The following KCTD8 variants were observed in gnomAD, a reference collection of about 807,000 sequenced individuals.
KCTD8 encodes the protein BTB/POZ domain-containing protein KCTD8.
In KCTD8, 27 loss-of-function variants were observed where a neutral mutation model predicts 31.5. The ratio of observed to expected loss-of-function variants is 0.86; its 90% confidence interval spans 0.63 to 1.18. The LOEUF is 1.18. Ranked by LOEUF, KCTD8 falls within the 50% of genes most tolerant of loss-of-function variation. The pLI is 0.00. For synonymous variants in KCTD8, 290 were observed against 280.0 expected (o/e 1.04, Z -0.36); for missense variants, 658 against 647.7 (o/e 1.02, Z -0.17).
chr4:44,180,155 T>C (rs911361179), intron 1 of KCTD8, among the ~76,000 whole-genome samples: 1 of 152,096 alleles, frequency 6.6e-6, no homozygotes, highest in Non-Finnish European at 1.5e-5. Flanking sequence ...TGAAAGCACT[T>C]TGCCCTGTGA....
At position 44,405,175 on chromosome 4, in the gene KCTD8, T is replaced by TAA. The variant is rs34854499; in HGVS notation, c.961+42386_961+42387dup. ...CTTACGTGCTTACATGGTCTTAGGT[T>TAA]AAAAAAAAAAGGTCACTTGCAAAAT... On this transcript the variant is annotated intron_variant, in intron 1 of 1. Coordinates refer to ENST00000360029, the MANE Select transcript of KCTD8 (RefSeq NM_198353.3). 1.3e-4 allele frequency among the ~76,000 whole-genome samples: 20 copies of TAA among 149,104 alleles called. No individual in the cohort carries two copies. The South Asian group carries it at 2.7e-3, about 20-fold the overall frequency.
chr4:44,277,619 C>G (rs1716789314), intron 1 of KCTD8, among the ~76,000 whole-genome samples: 1 of 151,810 alleles, frequency 6.6e-6, no homozygotes, highest in African/African-American at 2.4e-5. Context: ...CATAGGGGAA[C>G]TAGACCCCTG....
chr4:44,300,580 G>T (rs866443912), intron 1 of KCTD8, among the ~76,000 whole-genome samples: 4 of 152,172 alleles, frequency 2.6e-5, no homozygotes, highest in Admixed American at 2.6e-4. Context: ...TTACAGAAAA[G>T]AATAATCAGC....
intron 1 of KCTD8, among the ~76,000 whole-genome samples, chr4:44,344,108 C>G (rs947820631): frequency 6.6e-6 from 1 of 152,068 alleles, no homozygotes; most frequent in Non-Finnish European, 1.5e-5. Flanking sequence ...CCACCCACCT[C>G]CGCCTCCCAA....
At chr4:44,408,944 G>A (rs2109462220) in intron 1 of KCTD8, among the ~76,000 whole-genome samples, 1 of 151,580 alleles carries the variant, frequency 6.6e-6, no homozygotes, top group East Asian at 2.0e-4. Flanking sequence ...TAAGTAATAT[G>A]ATTAATAAAA....
chr4:44,195,818 A>T (rs1713924404), intron 1 of KCTD8, among the ~76,000 whole-genome samples: 1 of 152,312 alleles, frequency 6.6e-6, no homozygotes, highest in African/African-American at 2.4e-5. Context: ...CATACTAAGG[A>T]TATTGTCTTG....
chr4:44,303,148 G>A (rs540599998), intron 1 of KCTD8, among the ~76,000 whole-genome samples: 16 of 152,032 alleles, frequency 1.1e-4, no homozygotes, highest in Admixed American at 2.6e-4. Flanking sequence ...TTTTTGCATC[G>A]ATGTTCATCA....
chr4:44,390,022 G>T (rs1159374806), intron 1 of KCTD8, among the ~76,000 whole-genome samples: 1 of 151,930 alleles, frequency 6.6e-6, no homozygotes, highest in Non-Finnish European at 1.5e-5. Context: ...GTTCCTTGTA[G>T]ATTCTGGATA....
At chr4:44,269,821 C>A (rs931795589) in intron 1 of KCTD8, among the ~76,000 whole-genome samples, 1 of 152,080 alleles carries the variant, frequency 6.6e-6, no homozygotes, top group Non-Finnish European at 1.5e-5. Context: ...CAGAGAAATG[C>A]AAATCAAAAC....
intron 1 of KCTD8, among the ~76,000 whole-genome samples, chr4:44,365,981 C>T (rs1719622241): frequency 6.6e-6 from 1 of 152,054 alleles, no homozygotes; most frequent in Non-Finnish European, 1.5e-5. Context: ...GAAAAAAAAC[C>T]TTGATTACAA....
At chr4:44,365,224 T>A (rs1719600484) in intron 1 of KCTD8, among the ~76,000 whole-genome samples, 2 of 152,062 alleles carry the variant, frequency 1.3e-5, no homozygotes, top group Admixed American at 1.3e-4. Context: ...TAAACCTATA[T>A]TTTTTCTAAA....
chr4:44,206,802 T>A (rs1314731866), intron 1 of KCTD8, among the ~76,000 whole-genome samples: 1 of 152,208 alleles, frequency 6.6e-6, no homozygotes, highest in Admixed American at 6.5e-5. Flanking sequence ...GGGAAGTTAT[T>A]TAAACATCTC....
intron 1 of KCTD8, among the ~76,000 whole-genome samples, chr4:44,235,247 C>T (rs1715242137): frequency 6.8e-6 from 1 of 146,838 alleles, no homozygotes; most frequent in Non-Finnish European, 1.5e-5. Flanking sequence ...ACTTTTTATA[C>T]ATGAGAAACT....
chr4:44,342,177 C>G (rs922360031), intron 1 of KCTD8, among the ~76,000 whole-genome samples: 2 of 152,042 alleles, frequency 1.3e-5, no homozygotes, highest in African/African-American at 4.8e-5. Context: ...CGAGACCATC[C>G]TGGCTAACAC....
chr4:44,443,474 A>G (rs1721862473), intron 1 of KCTD8, among the ~76,000 whole-genome samples: 1 of 152,256 alleles, frequency 6.6e-6, no homozygotes, highest in African/African-American at 2.4e-5. Flanking sequence ...AACTCAACAC[A>G]GTGAAATAAA....
intron 1 of KCTD8, among the ~76,000 whole-genome samples, chr4:44,400,221 G>A (rs1002322016): frequency 6.6e-6 from 1 of 152,114 alleles, no homozygotes; most frequent in Non-Finnish European, 1.5e-5. Context: ...ATAATGGCTT[G>A]TATTGCCTAC....
intron 1 of KCTD8, among the ~76,000 whole-genome samples, chr4:44,228,686 AC>A (rs1715034935): frequency 1.3e-5 from 2 of 151,550 alleles, no homozygotes; most frequent in African/African-American, 2.4e-5. Context: ...AAACACTATT[AC>A]CCCCCATTAT....
chr4:44,358,505 C>T (rs1037502567), intron 1 of KCTD8, among the ~76,000 whole-genome samples: 14 of 152,084 alleles, frequency 9.2e-5, no homozygotes, highest in Non-Finnish European at 1.9e-4. Context: ...ATTTACACTC[C>T]CACCAACAGT....
intron 1 of KCTD8, among the ~76,000 whole-genome samples, chr4:44,186,110 C>G (rs1713579426): frequency 6.6e-6 from 1 of 152,156 alleles, no homozygotes; most frequent in African/African-American, 2.4e-5. Context: ...CCCCAAGACC[C>G]TAGCCGGCAC....
Sources: allele counts gnomAD v4.1 joint callset (sites outside exome capture counted in the v4.1 genomes callset), GRCh38; gene constraint gnomAD v4.1.1; transcripts MANE v1.5; gene names NCBI Gene and HGNC (gene_info 2026-07-23, HGNC 2026-07-21).